FKBP9: variants seen among roughly 807,000 people sequenced by gnomAD.
FKBP9 encodes FKBP prolyl isomerase 9, also known as peptidyl-prolyl cis-trans isomerase FKBP9.
FKBP9 carries 27 observed loss-of-function variants against 55.6 expected under a neutral mutation model. That is an observed-to-expected ratio of 0.49 (90% CI 0.36 to 0.67). The LOEUF is 0.67. Among genes scored for constraint, FKBP9 ranks in the 30% least tolerant of loss-of-function variants. FKBP9 has a pLI of 0.00. For missense variants in FKBP9, 539 were observed against 742.8 expected (o/e 0.73, Z 3.19); for synonymous variants, 267 against 296.5 (o/e 0.90, Z 1.02).
intron 5 of FKBP9, among the ~76,000 whole-genome samples, chr7:32,985,461 T>C (rs1159102689): frequency 1.4e-5 from 2 of 138,496 alleles, no homozygotes; most frequent in African/African-American, 5.0e-5. Context: ...ATTACAGGTG[T>C]AACCCACTGC....
chr7:32,981,347 C>G (rs1473560358), intron 5 of FKBP9, among the ~76,000 whole-genome samples: 1 of 152,218 alleles, frequency 6.6e-6, no homozygotes. Context: ...ATTCAGCTCC[C>G]TTCTGGATGC....
At chr7:32,968,348 C>T (rs548736460) in intron 1 of FKBP9, among the ~76,000 whole-genome samples, 3 of 152,274 alleles carry the variant, frequency 2.0e-5, no homozygotes, top group African/African-American at 4.8e-5. Flanking sequence ...TTTGGGTATA[C>T]ACCAAGAGAT....
intron 1 of FKBP9, 97 bp downstream of exon 1, chr7:32,957,891 C>A: frequency 1.1e-6 from 1 of 920,190 alleles, no homozygotes; most frequent in South Asian, 2.2e-5. Context: ...TAGCTCCGCC[C>A]CGTGCAGCCG....
At chr7:32,979,205 G>T (rs573359470) in intron 4 of FKBP9, among the ~76,000 whole-genome samples, 207 of 152,158 alleles carry the variant, frequency 1.4e-3, no homozygotes, top group Admixed American at 2.5e-3. Context: ...GGAGGCGAAG[G>T]TTGCAGTGAG....
chr7:32,992,875 T>C (rs1470631012), intron 6 of FKBP9: 6 of 230,402 alleles, frequency 2.6e-5, no homozygotes, highest in Non-Finnish European at 4.3e-5. Context: ...CTCAATAATG[T>C]GTGTGCCTCA....
Position 33,002,751 on chromosome 7 carries a change from G to A in FKBP9, c.1448G>A (p.Gly483Glu), listed in dbSNP as rs749144261. The A allele has an allele frequency of 3.0e-5, 48 of 1,614,088 alleles. No individual in the cohort carries two copies. Among genetic ancestry groups the A allele is most frequent in the Non-Finnish European group, 3.8e-5 (45 of 1,180,048 alleles). ...GAGCTGGTGGCTGGCCTTCCTGAGG[G>A]GTACATGTTCATATGGAATGGTGAG... ...LLELVAGLPE[G>E]YMFIWNGEVS... The change falls in exon 9 of 10, where the codon GGG becomes GAG. Residue 483 changes from glycine (G) to glutamate (E), a missense_variant. By Grantham distance (98) the Gly-to-Glu change is moderately conservative. Coordinates refer to ENST00000242209, the MANE Select transcript of FKBP9 (RefSeq NM_007270.5).
At chr7:32,967,029 T>C (rs1269450996) in intron 1 of FKBP9, among the ~76,000 whole-genome samples, 3 of 152,134 alleles carry the variant, frequency 2.0e-5, no homozygotes, top group Admixed American at 1.3e-4. Context: ...TGTATTCCTC[T>C]GGCTTCCTGT....
intron 4 of FKBP9, among the ~76,000 whole-genome samples, chr7:32,977,908 CTCATATATATAT>C: frequency 9.0e-6 from 1 of 111,144 alleles, no homozygotes; most frequent in African/African-American, 3.0e-5. Flanking sequence ...TATATATATA[CTCATATATATAT>C]ACACTTTTTT....
chr7:32,967,966 G>T (rs1784178448), intron 1 of FKBP9, among the ~76,000 whole-genome samples: 1 of 152,156 alleles, frequency 6.6e-6, no homozygotes, highest in Non-Finnish European at 1.5e-5. Flanking sequence ...TGTTGGTCAG[G>T]CTGGTTTCTA....
Position 32,996,358 on chromosome 7 carries a change from A to C in FKBP9, c.1226+9A>C, listed in dbSNP as rs1182699682. 1 of 1,608,514 alleles carries C rather than the reference A, an allele frequency of 6.2e-7. No homozygotes were observed. The highest frequency in any genetic ancestry group is 8.5e-7 in the Non-Finnish European group (1 of 1,175,636). On this transcript the variant is annotated intron_variant, in intron 7 of 9. Transcript: ENST00000242209. ...ACCCTGCTGGACTCCACGTAAGGGC[A>C]ACCAGAATGGTGTGGGAGTGAGCCT...
chr7:33,000,925 C>T (rs1432226747), intron 8 of FKBP9, among the ~76,000 whole-genome samples: 1 of 152,096 alleles, frequency 6.6e-6, no homozygotes, highest in African/African-American at 2.4e-5. Flanking sequence ...GGACTACAGG[C>T]ATGCACCACC....
chr7:32,997,524 T>C (rs1784842029), intron 7 of FKBP9, among the ~76,000 whole-genome samples: 1 of 152,220 alleles, frequency 6.6e-6, no homozygotes, highest in African/African-American at 2.4e-5. Flanking sequence ...GCCGAACTGC[T>C]TTCTTTAAAA....
chr7:32,977,341 T>G (rs186726090), intron 4 of FKBP9, among the ~76,000 whole-genome samples: 95 of 152,342 alleles, frequency 6.2e-4, no homozygotes, highest in African/African-American at 2.1e-3. Context: ...GCAATTGCAT[T>G]GTTGTGCAAA....
At chr7:32,979,957 C>T (rs1409884803) in intron 4 of FKBP9, among the ~76,000 whole-genome samples, 1 of 151,728 alleles carries the variant, frequency 6.6e-6, no homozygotes, top group Non-Finnish European at 1.5e-5. Flanking sequence ...AGTCTGTGTA[C>T]AGTTCTCCAG....
chr7:32,983,756 T>C (rs1784527052), intron 5 of FKBP9, among the ~76,000 whole-genome samples: 1 of 152,242 alleles, frequency 6.6e-6, no homozygotes, highest in Non-Finnish European at 1.5e-5. Flanking sequence ...TCTTGGCTAA[T>C]TTATAGGAGA....
At chr7:32,997,923 C>T (rs1057106750) in intron 7 of FKBP9, among the ~76,000 whole-genome samples, 6 of 152,196 alleles carry the variant, frequency 3.9e-5, no homozygotes, top group African/African-American at 1.4e-4. Flanking sequence ...TAATGTATTT[C>T]AACAACTCTA....
chr7:32,985,229 G>A (rs1486193929), intron 5 of FKBP9, among the ~76,000 whole-genome samples: 2 of 149,154 alleles, frequency 1.3e-5, no homozygotes. Context: ...AGGCTGGAGT[G>A]CAATGGTACG....
At position 32,974,648 on chromosome 7, in the gene FKBP9, G is replaced by A. The variant is rs183827108; in HGVS notation, c.253G>A (p.Val85Met). The A allele has an allele frequency of 5.0e-6, 8 of 1,613,868 alleles. No individual in the cohort carries two copies. In the Admixed American group the frequency reaches 1.3e-4, roughly 27 times the overall value. The change falls in exon 2 of 10, where the codon GTG becomes ATG. Residue 85 changes from valine (V) to methionine (M), a missense_variant. Val to Met is a conservative substitution (Grantham distance 21, BLOSUM62 1). This residue lies in a region of FKBP9 where 236 missense variants were observed against 271.5 expected (regional missense o/e 0.87). Transcript: ENST00000242209. The stretch of plus-strand genomic sequence containing the variant: ...CAGAGACTCCACTTTCAATGTGTTT[G>A]TGGGAAAAGGACAGCTGATCACAGG... ...YDRDSTFNVF[V>M]GKGQLITGMD...
chr7:33,001,380 A>T (rs1012491078), intron 8 of FKBP9, among the ~76,000 whole-genome samples: 32 of 152,040 alleles, frequency 2.1e-4, no homozygotes, highest in African/African-American at 7.5e-4. Context: ...CCGTCTCTAC[A>T]AAAAATTAGC....
Sources: allele counts gnomAD v4.1 joint callset (sites outside exome capture counted in the v4.1 genomes callset), GRCh38; gene constraint gnomAD v4.1.1; regional missense constraint gnomAD v4.1.1; transcripts MANE v1.5; gene names NCBI Gene and HGNC (gene_info 2026-07-23, HGNC 2026-07-21).